Variants in SMAP1 observed in about 807,000 individuals in gnomAD.
SMAP1 encodes the protein stromal membrane-associated protein 1.
A neutral mutation model predicts 58.5 loss-of-function variants in SMAP1; 24 were observed. The ratio of observed to expected loss-of-function variants is 0.41; its 90% CI spans 0.30 to 0.58. The LOEUF (loss-of-function observed/expected upper bound fraction) is 0.58, where lower values mean the gene tolerates loss of function less well. SMAP1 is among the 20% of genes least tolerant of loss of function. The pLI, the probability that SMAP1 is intolerant of heterozygous loss-of-function variation, is 0.29. For missense variants in SMAP1, 563 were observed against 566.3 expected, an observed-to-expected ratio of 0.99 and a Z score of 0.06; for synonymous variants, 216 against 196.6, an observed-to-expected ratio of 1.10 and a Z score of -0.82.
At chr6:70,757,892 A>G (rs892256637) in intron 3 of SMAP1, among the ~76,000 whole-genome samples, 1 of 151,684 alleles carries the variant, frequency 6.6e-6, no homozygotes, top group African/African-American at 2.4e-5. Context: ...GAGGATGTGG[A>G]GAAATAGGAA....
intron 7 of SMAP1, among the ~76,000 whole-genome samples, chr6:70,841,415 C>G (rs1770802607): frequency 6.6e-6 from 1 of 152,128 alleles, no homozygotes; most frequent in Admixed American, 6.5e-5. Flanking sequence ...GGGACCGCAT[C>G]CTCTCAGTGC....
intron 4 of SMAP1, among the ~76,000 whole-genome samples, chr6:70,788,256 C>G (rs1035399366): frequency 2.3e-5 from 3 of 132,518 alleles, no homozygotes; most frequent in South Asian, 2.3e-4. Context: ...ACGATGAGAA[C>G]ACATGGACAC....
At chr6:70,689,597 A>G (rs1007467116) in intron 1 of SMAP1, among the ~76,000 whole-genome samples, 35 of 152,296 alleles carry the variant, frequency 2.3e-4, no homozygotes, top group Middle Eastern at 3.4e-3. Context: ...CACTTTGTCA[A>G]TTTCTACAAA....
chr6:70,779,376 G>A (rs902357499), intron 4 of SMAP1, among the ~76,000 whole-genome samples: 3 of 152,184 alleles, frequency 2.0e-5, no homozygotes, highest in African/African-American at 7.2e-5. Context: ...TGTCAAAATG[G>A]CACTGTGCAG....
At chr6:70,768,220 T>C (rs1011087525) in intron 3 of SMAP1, among the ~76,000 whole-genome samples, 2 of 152,162 alleles carry the variant, frequency 1.3e-5, no homozygotes, top group Non-Finnish European at 2.9e-5. Flanking sequence ...TCTTTTTTGG[T>C]TGTGTCTCTG....
At chr6:70,732,901 G>A (rs1417840711) in intron 2 of SMAP1, among the ~76,000 whole-genome samples, 1 of 151,964 alleles carries the variant, frequency 6.6e-6, no homozygotes, top group African/African-American at 2.4e-5. Flanking sequence ...TCTGTTCTGA[G>A]GTGTTCTTAG....
rs374324400 is a variant in SMAP1, at chr6:70,767,178, C to T, written c.339-6172C>T. On this transcript the variant is annotated intron_variant, in intron 3 of 10. Transcript: ENST00000370455. The stretch of plus-strand genomic sequence containing the variant: ...TGTAGTATAGTTTGAAGTCAGGTAG[C>T]GTGATGCCTCCAGCTTTGTTCTTTT... 1.4e-3 allele frequency among the ~76,000 whole-genome samples: 213 copies of T among 151,932 alleles called. 1 individual carries two copies. The highest frequency in any genetic ancestry group is 4.6e-3 in the African/African-American group (192 of 41,450).
chr6:70,834,870 A>C (rs1562193559), intron 6 of SMAP1, among the ~76,000 whole-genome samples: 1 of 152,210 alleles, frequency 6.6e-6, no homozygotes, highest in African/African-American at 2.4e-5. Context: ...TGAAAAGTGA[A>C]AGAATAGAGA....
At chr6:70,750,649 G>A (rs959954921) in intron 2 of SMAP1, among the ~76,000 whole-genome samples, 1 of 152,174 alleles carries the variant, frequency 6.6e-6, no homozygotes, top group African/African-American at 2.4e-5. Context: ...TGACTTCCAA[G>A]TGATGTGATG....
At chr6:70,725,908 T>C (rs1768764140) in intron 1 of SMAP1, among the ~76,000 whole-genome samples, 1 of 152,238 alleles carries the variant, frequency 6.6e-6, no homozygotes, top group African/African-American at 2.4e-5. Flanking sequence ...CCTATATCAT[T>C]AGCCTCAACG....
intron 6 of SMAP1, among the ~76,000 whole-genome samples, chr6:70,836,054 T>G (rs1313256356): frequency 6.6e-6 from 1 of 152,236 alleles, no homozygotes; most frequent in East Asian, 1.9e-4. Flanking sequence ...GTGTCTCATG[T>G]ATCATACAGT....
chr6:70,670,456 T>G lies in SMAP1; in HGVS notation c.118+2315T>G, dbSNP rs1351259238. On this transcript the variant is annotated intron_variant, in intron 1 of 10. Transcript: ENST00000370455. ...AATTGATGTAAATATATTTTCACAG[T>G]TTTTGAGTATTTGGTAAGGTTGAAG... Among the ~76,000 whole-genome samples the G allele has an allele frequency of 2.6e-5, 4 of 152,162 alleles. No homozygotes were observed. In the East Asian group the frequency reaches 5.8e-4, roughly 22 times the overall value.
chr6:70,832,870 G>A (rs1262125565), intron 6 of SMAP1, among the ~76,000 whole-genome samples: 1 of 152,100 alleles, frequency 6.6e-6, no homozygotes, highest in Non-Finnish European at 1.5e-5. Flanking sequence ...GTTACACTGG[G>A]ATTACATTTC....
chr6:70,746,670 G>A (rs944070774), intron 2 of SMAP1, among the ~76,000 whole-genome samples: 1 of 152,152 alleles, frequency 6.6e-6, no homozygotes, highest in Non-Finnish European at 1.5e-5. Flanking sequence ...TTAGTATCAG[G>A]ATGATGTTGG....
In SMAP1 at chr6:70,763,521, A is replaced by G. The variant is rs185602403; in HGVS notation, c.338+8456A>G. On this transcript the variant is annotated intron_variant, in intron 3 of 10. Transcript: ENST00000370455. ...TAGCTTCTAAGTGTTCTAGTAAAAG[A>G]AAGAGTCTCACCTTGCTCATTTTAA... 2.4e-3 allele frequency among the ~76,000 whole-genome samples: 368 copies of G among 152,308 alleles called. 2 individuals carry two copies. Among genetic ancestry groups the G allele is most frequent in the African/African-American group, 8.2e-3 (340 of 41,566 alleles).
intron 1 of SMAP1, among the ~76,000 whole-genome samples, chr6:70,711,160 A>T (rs1768041848): frequency 6.6e-6 from 1 of 152,198 alleles, no homozygotes; most frequent in Non-Finnish European, 1.5e-5. Context: ...ATAAACCAGT[A>T]CCATAGTCAT....
chr6:70,804,354 C>T (rs941095401), intron 6 of SMAP1, among the ~76,000 whole-genome samples: 5 of 151,092 alleles, frequency 3.3e-5, no homozygotes, highest in Non-Finnish European at 7.4e-5. Context: ...GGTAGGTCTT[C>T]CTCCATCCCT....
At chr6:70,728,124 G>T (rs996553776) in intron 1 of SMAP1, among the ~76,000 whole-genome samples, 2 of 152,134 alleles carry the variant, frequency 1.3e-5, no homozygotes, top group African/African-American at 4.8e-5. Flanking sequence ...CATTGGTCTG[G>T]ACATGAACTG....
chr6:70,859,652 T>A, intron 10 of SMAP1: 1 of 282,230 alleles, frequency 3.5e-6, no homozygotes, highest in Non-Finnish European at 6.5e-6. Flanking sequence ...TATATATATA[T>A]ATTTGACTCC....
Sources: gnomAD v4.1 joint callset for allele counts (sites outside exome capture counted in the v4.1 genomes callset) on GRCh38, gnomAD v4.1.1 for gene constraint, MANE v1.5 for transcripts, NCBI Gene and HGNC (gene_info 2026-07-23, HGNC 2026-07-21) for gene names.